RHOA: variants seen among roughly 807,000 people sequenced by gnomAD.
RHOA encodes the protein ras homolog family member A, also known as transforming protein RhoA.
RHOA carries 3 observed loss-of-function variants against 17.5 expected under a neutral mutation model. The observed-to-expected ratio is 0.17, with a 90% CI of 0.08 to 0.44. The LOEUF is 0.44. RHOA is among the 20% of genes least tolerant of loss of function. The pLI, the probability that RHOA is intolerant of heterozygous loss-of-function variation, is 0.99. For synonymous variants in RHOA, 98 were observed against 88.4 expected (o/e 1.11, Z -0.61); for missense variants, 56 against 242.3 (o/e 0.23, Z 5.10).
In RHOA at chr3:49,395,470, G is replaced by A. The variant is rs114265492; in HGVS notation, c.-3+16350C>T. On this transcript the variant is annotated intron_variant, in intron 1 of 4. Coordinates refer to ENST00000418115, the MANE Select transcript of RHOA (RefSeq NM_001664.4). ...TCACACCTGTAATCCCGGCACTTTG[G>A]GAGACTGAGAGGGGTGCAGATCACC... 9.7e-3 allele frequency among the ~76,000 whole-genome samples: 1,481 copies of A among 152,182 alleles called. 29 individuals are homozygous for A. Among genetic ancestry groups the A allele is most frequent in the African/African-American group, 0.032 (1,332 of 41,526 alleles).
chr3:49,399,270 T>TGAGGCAAGAGAATGACGTGAACCTGG (rs1224174720), intron 1 of RHOA, among the ~76,000 whole-genome samples: 3 of 150,384 alleles, frequency 2.0e-5, no homozygotes, highest in Non-Finnish European at 4.4e-5. Context: ...CTCGGGAGGC[T>TGAGGCAAGAGAATGACGTGAACCTGG]GAGGCAAGAG....
chr3:49,382,725 G>A (rs1334173530), intron 1 of RHOA, among the ~76,000 whole-genome samples: 1 of 152,142 alleles, frequency 6.6e-6, no homozygotes, highest in Non-Finnish European at 1.5e-5. Flanking sequence ...GGACCCTATG[G>A]GATGCAAAGA....
chr3:49,386,834 C>T (rs890514046), intron 1 of RHOA, among the ~76,000 whole-genome samples: 9 of 151,910 alleles, frequency 5.9e-5, no homozygotes, highest in East Asian at 5.8e-4. Context: ...GTTACATGAC[C>T]GGGCGTGGCA....
intron 2 of RHOA, 133 bp from the exon 3 acceptor site, chr3:49,368,681 A>G: frequency 1.2e-6 from 1 of 847,776 alleles, no homozygotes; most frequent in Non-Finnish European, 1.9e-6. Context: ...AGTAAAACAC[A>G]GGAGTATTTA....
chr3:49,359,300 CTG>C lies in RHOA; in HGVS notation c.*907_*908del, dbSNP rs1408017539. 2.1e-5 allele frequency: 4 copies of C among 192,926 alleles called. No individual in the cohort carries two copies. Among genetic ancestry groups the C allele is most frequent in the Non-Finnish European group, 4.3e-5 (4 of 92,112 alleles). 12.0% of individuals were successfully genotyped at this position (192,926 alleles called of 1,614,324 possible). On this transcript the variant is annotated 3_prime_UTR_variant, in exon 5 of 5. Coordinates refer to ENST00000418115, the MANE Select transcript of RHOA (RefSeq NM_001664.4). ...TGGATACAGTGAGGAGAAAAGAGCA[CTG>C]TGAATTAGAGCCAGATGCTTAAGTC...
chr3:49,365,621 C>T (rs1417896085), intron 3 of RHOA, among the ~76,000 whole-genome samples: 5 of 140,074 alleles, frequency 3.6e-5, no homozygotes, highest in Admixed American at 7.4e-5. Context: ...ACAAGAGTCT[C>T]ACTCTGTCAC....
intron 2 of RHOA, among the ~76,000 whole-genome samples, chr3:49,371,607 T>C (rs1472992700): frequency 6.6e-6 from 1 of 152,144 alleles, no homozygotes; most frequent in African/African-American, 2.4e-5. Context: ...GTTAAATGAA[T>C]ATTCCTACAC....
chr3:49,394,647 G>A (rs1216452605), intron 1 of RHOA, among the ~76,000 whole-genome samples: 1 of 152,042 alleles, frequency 6.6e-6, no homozygotes, highest in South Asian at 2.1e-4. Flanking sequence ...CACTGCATCC[G>A]GCCACAAACC....
chr3:49,381,571 T>C (rs2048317813), intron 1 of RHOA, among the ~76,000 whole-genome samples: 1 of 142,528 alleles, frequency 7.0e-6, no homozygotes, highest in Non-Finnish European at 1.5e-5. Context: ...TGAGACTCTG[T>C]CAAAAAAAAA....
chr3:49,393,670 CTCTCTCTGTGTGTGTGTGTGTGTGTGTG>C (rs2048554313), intron 1 of RHOA, among the ~76,000 whole-genome samples: 1,241 of 97,264 alleles, frequency 0.013, 66 homozygotes, highest in African/African-American at 0.051. Flanking sequence ...GTCTCAAATT[CTCTCTCTGTGTGTGTGTGTGTGTGTGTG>C]TGTGTGTGTG....
chr3:49,397,945 G>A (rs553899716), intron 1 of RHOA, among the ~76,000 whole-genome samples: 4 of 152,296 alleles, frequency 2.6e-5, no homozygotes, highest in East Asian at 1.9e-4. Context: ...GAATCTTAGC[G>A]GGACTGCTAG....
intron 1 of RHOA, among the ~76,000 whole-genome samples, chr3:49,404,568 T>G (rs1256504386): frequency 7.9e-6 from 1 of 126,942 alleles, no homozygotes; most frequent in Non-Finnish European, 1.6e-5. Context: ...GCCGAGATTG[T>G]GCCACTACAC....
At chr3:49,371,308 T>C (rs1033290332) in intron 2 of RHOA, among the ~76,000 whole-genome samples, 1 of 151,810 alleles carries the variant, frequency 6.6e-6, no homozygotes, top group Non-Finnish European at 1.5e-5. Context: ...AGACAGAGTT[T>C]CGCCCTTGTC....
intron 2 of RHOA, among the ~76,000 whole-genome samples, chr3:49,370,904 T>C (rs550239059): frequency 1.3e-5 from 2 of 152,290 alleles, no homozygotes; most frequent in Non-Finnish European, 2.9e-5. Context: ...TTCCTTAAAA[T>C]TGATGGCTCT....
intron 1 of RHOA, among the ~76,000 whole-genome samples, chr3:49,391,878 G>T (rs2048517756): frequency 1.4e-5 from 2 of 141,400 alleles, no homozygotes; most frequent in South Asian, 4.4e-4. Context: ...CCCCAGACTG[G>T]AGTGTAATGG....
chr3:49,406,043 A>G (rs2048827324), intron 1 of RHOA, among the ~76,000 whole-genome samples: 1 of 152,178 alleles, frequency 6.6e-6, no homozygotes, highest in Non-Finnish European at 1.5e-5. Flanking sequence ...ATTATGAATA[A>G]CTGGAAAAGT....
chr3:49,393,440 G>A (rs1325908652), intron 1 of RHOA, among the ~76,000 whole-genome samples: 3 of 151,574 alleles, frequency 2.0e-5, no homozygotes, highest in Middle Eastern at 3.2e-3. Context: ...CCAAGTAGCT[G>A]AGACCACAGG....
chr3:49,363,726 C>G (rs1438058552), intron 3 of RHOA, among the ~76,000 whole-genome samples: 1 of 151,352 alleles, frequency 6.6e-6, no homozygotes, highest in African/African-American at 2.4e-5. Flanking sequence ...GTGGTGTGCA[C>G]CTATAGTCCC....
chr3:49,397,086 A>T (rs935616831), intron 1 of RHOA, among the ~76,000 whole-genome samples: 1 of 150,144 alleles, frequency 6.7e-6, no homozygotes, highest in Non-Finnish European at 1.5e-5. Flanking sequence ...GTAGTGATCG[A>T]GACACTGCAC....
Sources: allele counts gnomAD v4.1 joint callset (sites outside exome capture counted in the v4.1 genomes callset), GRCh38; gene constraint gnomAD v4.1.1; transcripts MANE v1.5; gene names NCBI Gene and HGNC (gene_info 2026-07-23, HGNC 2026-07-21).